BIN1: variants seen among roughly 807,000 people sequenced by gnomAD.
BIN1 encodes myc box-dependent-interacting protein 1.
In BIN1, 53 loss-of-function variants were observed where a neutral mutation model predicts 82.0. That is an observed-to-expected ratio of 0.65 (90% CI 0.52 to 0.81). The LOEUF (loss-of-function observed/expected upper bound fraction) is 0.81. BIN1 is among the 40% of genes least tolerant of loss of function. BIN1 has a pLI of 0.00. For missense variants in BIN1, 642 were observed against 784.4 expected, an observed-to-expected ratio of 0.82 and a Z score of 2.17; for synonymous variants, 302 against 328.0, an observed-to-expected ratio of 0.92 and a Z score of 0.86.
At position 127,090,869 on chromosome 2, in the gene BIN1, G is replaced by T. The variant is rs541293801; in HGVS notation, c.85-14163C>A. On this transcript the variant is annotated intron_variant, in intron 1 of 18. Transcript: ENST00000316724. This position sits in a 1 kb window ranked among gnomAD's most constrained non-coding sequence, Gnocchi z 6.4. ...AACTTTGCCTCCCTAGCAATGCCAG[G>T]CTATGCTGGCCCTTCACATCACCTC... 1.3e-5 allele frequency among the ~76,000 whole-genome samples: 2 copies of T among 152,262 alleles called. No homozygotes were observed. Among genetic ancestry groups the T allele is most frequent in the East Asian group, 3.9e-4 (2 of 5,170 alleles).
intron 14 of BIN1, 167 bp downstream of exon 14, chr2:127,053,255 G>C (rs961517852): frequency 1.4e-5 from 13 of 933,196 alleles, no homozygotes; most frequent in African/African-American, 3.3e-5. Context: ...GGCTGGAGGC[G>C]GGTGGCTTCA....
chr2:127,096,974 A>G (rs13403184), intron 1 of BIN1, among the ~76,000 whole-genome samples: 62,180 of 152,078 alleles, frequency 0.41, 12,981 homozygotes, highest in Middle Eastern at 0.5. Flanking sequence ...CTCCAGCCAC[A>G]GGCCTGGTGG....
At chr2:127,050,218 A>AGGAGAGGGGCCAAG (rs1682720922) in intron 18 of BIN1, among the ~76,000 whole-genome samples, 1 of 152,162 alleles carries the variant, frequency 6.6e-6, no homozygotes, top group Non-Finnish European at 1.5e-5. Context: ...GAGGCCTAAC[A>AGGAGAGGGGCCAAG]GGAGAGGGGC....
chr2:127,070,529 C>A, intron 4 of BIN1, 24 bp downstream of exon 4: 1 of 1,613,156 alleles, frequency 6.2e-7, no homozygotes, highest in East Asian at 2.2e-5. Flanking sequence ...CTGAGAAGGG[C>A]AGGCCCACCT....
chr2:127,062,611 G>A (rs775906255), intron 9 of BIN1, among the ~76,000 whole-genome samples: 11 of 152,152 alleles, frequency 7.2e-5, no homozygotes, highest in African/African-American at 1.4e-4. Context: ...AGGCACGAGC[G>A]GAGGTTTATT....
At chr2:127,050,997 G>A in intron 16 of BIN1, 85 bp from the exon 17 acceptor site, 4 of 1,515,112 alleles carry the variant, frequency 2.6e-6, no homozygotes, top group Non-Finnish European at 3.7e-6. Flanking sequence ...GCGGGGAGGG[G>A]AGAAAGGTGT....
intron 1 of BIN1, among the ~76,000 whole-genome samples, chr2:127,094,737 C>T (rs1679372167): frequency 6.6e-6 from 1 of 152,220 alleles, no homozygotes; most frequent in African/African-American, 2.4e-5. Context: ...TCAGGGCTCC[C>T]ACAGTGCTGA....
At position 127,070,743 on chromosome 2, in the gene BIN1, C is replaced by T. The variant is rs775915004; in HGVS notation, c.220+19G>A. The T allele has an allele frequency of 1.9e-6, 3 of 1,613,966 alleles. No homozygotes were observed. Among genetic ancestry groups the T allele is most frequent in the Non-Finnish European group, 1.7e-6 (2 of 1,179,992 alleles). ...CCACCAGCTCTACACGGGCCAGGTG[C>T]GCTCTGCCTGCCTCCTACCTTTGAC... On this transcript the variant is annotated intron_variant, in intron 3 of 18. Transcript: ENST00000316724.
chr2:127,072,591 T>A (rs1292777399), intron 2 of BIN1, among the ~76,000 whole-genome samples: 12 of 150,686 alleles, frequency 8.0e-5, no homozygotes, highest in African/African-American at 2.4e-4. Context: ...GAGCAGCACA[T>A]AAGATGTATA....
chr2:127,073,754 A>C (rs1164285466), intron 2 of BIN1, among the ~76,000 whole-genome samples: 1 of 152,188 alleles, frequency 6.6e-6, no homozygotes, highest in African/African-American at 2.4e-5. Context: ...CCTCAGTGAC[A>C]GACAAACAGC....
At chr2:127,088,887 A>C (rs948746417) in intron 1 of BIN1, among the ~76,000 whole-genome samples, 2 of 152,002 alleles carry the variant, frequency 1.3e-5, no homozygotes, top group East Asian at 3.9e-4. Context: ...AGAAGGTAGA[A>C]CTCACTGGAC....
intron 10 of BIN1, among the ~76,000 whole-genome samples, chr2:127,061,153 C>A (rs1312950789): frequency 6.6e-6 from 1 of 152,094 alleles, no homozygotes; most frequent in African/African-American, 2.4e-5. Context: ...GCTGTCCCTC[C>A]CTGCCCGACC....
In BIN1 at chr2:127,066,020, G is replaced by A. The variant is rs191336474; in HGVS notation, c.613-2002C>T. Among the ~76,000 whole-genome samples the A allele has an allele frequency of 1.1e-4, 17 of 152,330 alleles. No individual in the cohort carries two copies. In the East Asian group the frequency reaches 2.9e-3, roughly 26 times the overall value. ...GGGTCCCGAGGACAGCATTCAGGAC[G>A]CTGAGGCAGGTGTGGAGAGCAGCTC... On this transcript the variant is annotated intron_variant, in intron 7 of 18. Coordinates refer to ENST00000316724, the MANE Select transcript of BIN1 (RefSeq NM_139343.3).
At position 127,049,842 on chromosome 2, in the gene BIN1, G is replaced by GATT. The variant is rs1239785892; in HGVS notation, c.1674+576_1674+578dup. Among the ~76,000 whole-genome samples the GATT allele has an allele frequency of 4.6e-5, 7 of 152,330 alleles. No homozygotes were observed. The East Asian group carries it at 1.4e-3, about 29-fold the overall frequency. On this transcript the variant is annotated intron_variant, in intron 18 of 18. Coordinates refer to ENST00000316724, the MANE Select transcript of BIN1 (RefSeq NM_139343.3). Reference sequence around the variant, plus strand: ...TCAACAGGAGCCCTCACTTCCAGGAGATTAACATGAAGCCACAGCAGGAGG... The same window carrying GATT: ...TCAACAGGAGCCCTCACTTCCAGGAGATTATTAACATGAAGCCACAGCAGGAGG...
chr2:127,081,982 C>T (rs750529965), intron 1 of BIN1: 2 of 1,022,766 alleles, frequency 2.0e-6, no homozygotes, highest in Non-Finnish European at 2.6e-6. Flanking sequence ...CACACCGAGG[C>T]TCCCCAGGCA....
chr2:127,068,157 T>A lies in BIN1; in HGVS notation c.612+6A>T. On this transcript the variant is annotated splice_donor_region_variant and intron_variant, in intron 7 of 18. Coordinates refer to ENST00000316724, the MANE Select transcript of BIN1 (RefSeq NM_139343.3). This position sits in a 1 kb window ranked among gnomAD's most constrained non-coding sequence, Gnocchi z 4.9. ...CAGCACGTGCAAGGTTAGAAGCCAGTGTCACCTGATTTCGGAGCAGGTTAG... is the reference window on the plus strand; with the variant it reads ...CAGCACGTGCAAGGTTAGAAGCCAGAGTCACCTGATTTCGGAGCAGGTTAG... The A allele has an allele frequency of 6.2e-7, 1 of 1,612,468 alleles. No homozygotes were observed. The highest frequency in any genetic ancestry group is 8.5e-7 in the Non-Finnish European group (1 of 1,179,282).
intron 1 of BIN1, among the ~76,000 whole-genome samples, chr2:127,094,416 G>C (rs1679316996): frequency 6.6e-6 from 1 of 152,218 alleles, no homozygotes; most frequent in Non-Finnish European, 1.5e-5. Flanking sequence ...TCAGGATTGA[G>C]ACCAGCAAAC....
chr2:127,073,176 TC>T (rs1206457626), intron 2 of BIN1, among the ~76,000 whole-genome samples: 3 of 152,206 alleles, frequency 2.0e-5, no homozygotes, highest in African/African-American at 7.2e-5. Context: ...GAGCACTGCC[TC>T]CCTGTGCCCA....
At chr2:127,071,673 T>C (rs1685915112) in intron 2 of BIN1, among the ~76,000 whole-genome samples, 1 of 152,178 alleles carries the variant, frequency 6.6e-6, no homozygotes, top group Admixed American at 6.5e-5. Flanking sequence ...TCTGAGACCA[T>C]GCTCAGTGAG....
Sources: allele counts gnomAD v4.1 joint callset (sites outside exome capture counted in the v4.1 genomes callset), GRCh38; gene constraint gnomAD v4.1.1; non-coding constraint Gnocchi (gnomAD v3.1); transcripts MANE v1.5; gene names NCBI Gene and HGNC (gene_info 2026-07-23, HGNC 2026-07-21).